Variants in CNTNAP4 observed in about 807,000 individuals in gnomAD.
CNTNAP4 encodes contactin-associated protein-like 4.
Under a neutral mutation model 148.4 loss-of-function variants are expected in CNTNAP4, and 98 were observed. That is an observed-to-expected ratio of 0.66 (90% CI 0.56 to 0.78). CNTNAP4 has a LOEUF of 0.78. Ranked by LOEUF, CNTNAP4 falls within the 30% of genes least tolerant of loss-of-function variation. The pLI is 0.00. For missense variants in CNTNAP4, 1,935 were observed against 1,565.6 expected (o/e 1.24, Z -3.98); for synonymous variants, 730 against 565.1 (o/e 1.29, Z -4.14).
chr16:76,367,783 C>T (rs2014331393), intron 3 of CNTNAP4, among the ~76,000 whole-genome samples: 1 of 152,136 alleles, frequency 6.6e-6, no homozygotes, highest in Non-Finnish European at 1.5e-5. Context: ...TGGGTGTCGC[C>T]ACCACACATC....
intron 2 of CNTNAP4, among the ~76,000 whole-genome samples, chr16:76,324,486 C>T (rs923540913): frequency 3.3e-5 from 5 of 152,088 alleles, no homozygotes; most frequent in Middle Eastern, 3.2e-3. Flanking sequence ...CAGGAGAAAA[C>T]AGAGCATGGG....
chr16:76,462,118 G>T lies in CNTNAP4; in HGVS notation c.1483+13G>T. Reference sequence around the variant, plus strand: ...TATTATTTTGGAGGTAAGAATAGGTGCCAGGCTCTATGAGCAACTGAACCA... The same window carrying T: ...TATTATTTTGGAGGTAAGAATAGGTTCCAGGCTCTATGAGCAACTGAACCA... On this transcript the variant is annotated intron_variant, in intron 9 of 23. Coordinates refer to ENST00000611870, the MANE Select transcript of CNTNAP4 (RefSeq NM_033401.5). The T allele has an allele frequency of 6.2e-7, 1 of 1,608,374 alleles. No individual in the cohort carries two copies. The highest frequency in any genetic ancestry group is 1.1e-5 in the South Asian group (1 of 90,602).
chr16:76,418,806 G>A (rs1168878337), intron 3 of CNTNAP4, among the ~76,000 whole-genome samples: 1 of 151,322 alleles, frequency 6.6e-6, no homozygotes, highest in Non-Finnish European at 1.5e-5. Context: ...GATGACAATA[G>A]AAACTAAGAC....
chr16:76,300,025 A>G (rs1194802389), intron 1 of CNTNAP4, among the ~76,000 whole-genome samples: 2 of 152,040 alleles, frequency 1.3e-5, no homozygotes, highest in South Asian at 4.1e-4. Flanking sequence ...GGATAGCATT[A>G]GGAGATATGC....
intron 2 of CNTNAP4, 120 bp downstream of exon 2, chr16:76,316,643 A>G (rs1961789764): frequency 1.4e-6 from 1 of 694,506 alleles, no homozygotes; most frequent in East Asian, 2.7e-5. Flanking sequence ...AAATAAGCAA[A>G]TGGTTAAAAC....
intron 2 of CNTNAP4, among the ~76,000 whole-genome samples, chr16:76,340,620 T>A (rs1964390901): frequency 6.6e-6 from 1 of 152,184 alleles, no homozygotes; most frequent in Non-Finnish European, 1.5e-5. Flanking sequence ...TGCTTTCATG[T>A]CTTCATTCAA....
chr16:76,320,127 G>A (rs886228413), intron 2 of CNTNAP4, among the ~76,000 whole-genome samples: 5 of 152,156 alleles, frequency 3.3e-5, no homozygotes, highest in Admixed American at 6.5e-5. Flanking sequence ...TATCTGGCAA[G>A]GGTTCAGAAA....
chr16:76,511,676 C>T (rs1261428836), intron 15 of CNTNAP4, among the ~76,000 whole-genome samples: 1 of 151,764 alleles, frequency 6.6e-6, no homozygotes, highest in East Asian at 1.9e-4. Context: ...TTTTCAATTT[C>T]ACTTTTGTAT....
chr16:76,447,974 T>C lies in CNTNAP4; in HGVS notation c.539-38T>C, dbSNP rs1380305862. 2.1e-6 allele frequency: 3 copies of C among 1,445,284 alleles called. No homozygotes were observed. In the Admixed American group the frequency reaches 5.2e-5, roughly 25 times the overall value. The allele number at this position is 1,445,284 out of a possible 1,614,324, so 89.5% of individuals were successfully genotyped here. On this transcript the variant is annotated intron_variant, in intron 4 of 23. Coordinates refer to ENST00000611870, the MANE Select transcript of CNTNAP4 (RefSeq NM_033401.5). Reference sequence around the variant, plus strand: ...TTAAAATGATTTAATGGAAAAGATATTTATCCTTAGAATGCCTTCTACTAT... The same window carrying C: ...TTAAAATGATTTAATGGAAAAGATACTTATCCTTAGAATGCCTTCTACTAT...
At chr16:76,356,373 A>G (rs2012651932) in intron 3 of CNTNAP4, among the ~76,000 whole-genome samples, 1 of 152,080 alleles carries the variant, frequency 6.6e-6, no homozygotes, top group Non-Finnish European at 1.5e-5. Flanking sequence ...TAGTCTCTGT[A>G]AAGTGTATAA....
At chr16:76,457,984 T>C (rs986485371) in intron 8 of CNTNAP4, among the ~76,000 whole-genome samples, 2 of 152,130 alleles carry the variant, frequency 1.3e-5, no homozygotes, top group African/African-American at 4.8e-5. Flanking sequence ...TGCCTGTTTT[T>C]CCCATCTGTA....
At chr16:76,407,452 G>T (rs2078633958) in intron 3 of CNTNAP4, among the ~76,000 whole-genome samples, 1 of 151,834 alleles carries the variant, frequency 6.6e-6, no homozygotes, top group African/African-American at 2.4e-5. Context: ...AAGAACATTT[G>T]TAACTCATGA....
At chr16:76,393,099 C>T (rs1506838) in intron 3 of CNTNAP4, among the ~76,000 whole-genome samples, 92,095 of 152,040 alleles carry the variant, frequency 0.61, 28,125 homozygotes, top group East Asian at 0.74. Flanking sequence ...ATGACTCTTA[C>T]AGATTCTCCA....
chr16:76,488,210 C>G (rs906854217), intron 12 of CNTNAP4, among the ~76,000 whole-genome samples: 7 of 152,066 alleles, frequency 4.6e-5, no homozygotes, highest in Non-Finnish European at 8.8e-5. Flanking sequence ...TCAGATTTTA[C>G]CTGACTTTCC....
At chr16:76,342,138 G>A (rs1264771992) in intron 2 of CNTNAP4, among the ~76,000 whole-genome samples, 1 of 152,136 alleles carries the variant, frequency 6.6e-6, no homozygotes, top group African/African-American at 2.4e-5. Context: ...AATTCATTAT[G>A]GAAACTGTGT....
At position 76,489,603 on chromosome 16, in the gene CNTNAP4, T is replaced by A. The variant is rs948939065; in HGVS notation, c.1883-83T>A. On this transcript the variant is annotated intron_variant, in intron 12 of 23. Transcript: ENST00000611870. ...AGAAACATTTGACTCAGATAAAAGG[T>A]GATTTTGATTTTCTTTATTTATTTT... The A allele has an allele frequency of 7.1e-6, 5 of 707,144 alleles. No homozygotes were observed. In the African/African-American group the frequency reaches 7.2e-5, roughly 10 times the overall value. The allele number at this position is 707,144 out of a possible 1,614,324, so 43.8% of individuals were successfully genotyped here.
At chr16:76,384,525 G>A (rs1229775136) in intron 3 of CNTNAP4, among the ~76,000 whole-genome samples, 2 of 152,194 alleles carry the variant, frequency 1.3e-5, no homozygotes, top group African/African-American at 4.8e-5. Flanking sequence ...AAAGTGCCAT[G>A]TAGCTTTGGT....
intron 2 of CNTNAP4, among the ~76,000 whole-genome samples, chr16:76,326,431 C>G (rs1962979173): frequency 6.6e-6 from 1 of 152,138 alleles, no homozygotes; most frequent in African/African-American, 2.4e-5. Flanking sequence ...ATGGACGGAT[C>G]TTGCTAAGAG....
At chr16:76,358,868 G>A (rs1226976547) in intron 3 of CNTNAP4, among the ~76,000 whole-genome samples, 2 of 151,988 alleles carry the variant, frequency 1.3e-5, no homozygotes, top group African/African-American at 4.8e-5. Flanking sequence ...ATATGTATGT[G>A]TATATGTATG....
Sources: gnomAD v4.1 joint callset for allele counts (sites outside exome capture counted in the v4.1 genomes callset) on GRCh38, gnomAD v4.1.1 for gene constraint, MANE v1.5 for transcripts, NCBI Gene and HGNC (gene_info 2026-07-23, HGNC 2026-07-21) for gene names.